Variants in MYH8 observed in about 807,000 individuals in gnomAD.
MYH8 encodes myosin heavy chain 8.
MYH8 carries 168 observed loss-of-function variants against 233.2 expected under a neutral mutation model. The observed-to-expected ratio is 0.72, with a 90% CI of 0.64 to 0.82. MYH8 has a LOEUF of 0.82. MYH8 is among the 40% of genes least tolerant of loss of function. The pLI is 0.00. For synonymous variants in MYH8, 785 were observed against 850.6 expected, an observed-to-expected ratio of 0.92 and a Z score of 1.34; for missense variants, 1,995 against 2,327.8, an observed-to-expected ratio of 0.86 and a Z score of 2.94.
chr17:10,398,735 TG>T, intron 29 of MYH8, 32 bp downstream of exon 29: 2 of 1,613,928 alleles, frequency 1.2e-6, no homozygotes, highest in Non-Finnish European at 1.7e-6. Flanking sequence ...GGTTTAGATT[TG>T]GTTAGTCAAA....
In MYH8 at chr17:10,401,438, G is replaced by T; in HGVS notation, c.2945C>A (p.Thr982Lys). 6.2e-7 allele frequency: 1 copy of T among 1,613,956 alleles called. No homozygotes were observed. The highest frequency in any genetic ancestry group is 1.3e-5 in the African/African-American group (1 of 74,958). The change falls in exon 24 of 40, where the codon ACA (threonine) becomes AAA (lysine). Residue 982 changes from threonine (T) to lysine (K), a missense_variant. Thr to Lys is a moderately conservative substitution (Grantham distance 78). Transcript: ENST00000403437. ...TTCATCCAGGCCTGCCATCTCTTCTGTAAGATTTTTCACCTACAAAGGTTA... is the reference window on the plus strand; with the variant it reads ...TTCATCCAGGCCTGCCATCTCTTCTTTAAGATTTTTCACCTACAAAGGTTA... ...HATENKVKNLTEEMAGLDETI... is the reference protein window; with the variant it reads ...HATENKVKNLKEEMAGLDETI...
chr17:10,395,491 G>T lies in MYH8; in HGVS notation c.4654-50C>A, dbSNP rs758559073. The T allele has an allele frequency of 6.9e-6, 11 of 1,589,556 alleles. No homozygotes were observed. The South Asian group carries it at 1.2e-4, about 18-fold the overall frequency. ...TAATGGAGAAGAACCTGAGTATTTG[G>T]AGTATATTCCCTCGTGAGCCAAACT... On this transcript the variant is annotated intron_variant, in intron 33 of 39. Transcript: ENST00000403437.
intron 29 of MYH8, 29 bp from the exon 30 acceptor site, chr17:10,398,669 A>C: frequency 1.2e-6 from 2 of 1,614,152 alleles, no homozygotes; most frequent in Non-Finnish European, 1.7e-6. Flanking sequence ...AGTGACATAA[A>C]TTCATGTATT....
At position 10,415,968 on chromosome 17, in the gene MYH8, A is replaced by C. The variant is rs560308188; in HGVS notation, c.512-260T>G. On this transcript the variant is annotated intron_variant, in intron 5 of 39. Coordinates refer to ENST00000403437, the MANE Select transcript of MYH8 (RefSeq NM_002472.3). The surrounding 1 kb of genome is among the most constrained non-coding windows in gnomAD (Gnocchi z 4.1). ...AGATACACATAACATAAAATTTACC[A>C]TCTTAACCATTTTTAAGTGTAGAGA... is the stretch of plus-strand genomic sequence containing the variant. 6.6e-6 allele frequency among the ~76,000 whole-genome samples: 1 copy of C among 152,206 alleles called. No individual in the cohort carries two copies. The highest frequency in any genetic ancestry group is 1.5e-5 in the Non-Finnish European group (1 of 68,036).
intron 15 of MYH8, among the ~76,000 whole-genome samples, chr17:10,410,486 A>T (rs1287509491): frequency 6.6e-6 from 1 of 152,180 alleles, no homozygotes; most frequent in Non-Finnish European, 1.5e-5. Context: ...TCAAGAACTA[A>T]TGAGGACAGT....
Position 10,393,161 on chromosome 17 carries a change from T to C in MYH8, c.5216A>G (p.Gln1739Arg). The change falls in exon 36 of 40, where the codon CAA (glutamine) becomes CGA (arginine). Residue 1739 changes from glutamine (Q) to arginine (R), a missense_variant. Coordinates refer to ENST00000403437, the MANE Select transcript of MYH8 (RefSeq NM_002472.3). ...TKKKLENDVS[Q>R]LQSEVEEVIQ... ...TACTTCTTCCACTTCACTTTGGAGT[T>C]GGGAAACGTCATTTTCTAATTTCTT... is the stretch of plus-strand genomic sequence containing the variant. 6.2e-7 allele frequency: 1 copy of C among 1,614,234 alleles called. No homozygotes were observed. Among genetic ancestry groups the C allele is most frequent in the Non-Finnish European group, 8.5e-7 (1 of 1,180,038 alleles).
intron 14 of MYH8, among the ~76,000 whole-genome samples, chr17:10,412,005 C>G (rs2072247960): frequency 6.6e-6 from 1 of 152,116 alleles, no homozygotes; most frequent in Non-Finnish European, 1.5e-5. Flanking sequence ...GGATCAAATG[C>G]TGTAGATCTG....
At chr17:10,413,311 G>A (rs1037310269) in intron 12 of MYH8, among the ~76,000 whole-genome samples, 14 of 152,318 alleles carry the variant, frequency 9.2e-5, no homozygotes, top group African/African-American at 3.4e-4. Flanking sequence ...ATGTCAATTC[G>A]AGGTGGTCAG....
chr17:10,393,153 T>C lies in MYH8; in HGVS notation c.5224A>G (p.Ser1742Gly). The C allele has an allele frequency of 6.2e-7, 1 of 1,614,250 alleles. No individual in the cohort carries two copies. The highest frequency in any genetic ancestry group is 8.5e-7 in the Non-Finnish European group (1 of 1,180,050). ...KLENDVSQLQ[S>G]EVEEVIQESR... is the part of the protein sequence containing the mutation. ...TCTTGGATTACTTCTTCCACTTCACTTTGGAGTTGGGAAACGTCATTTTCT... is the reference window on the plus strand; with the variant it reads ...TCTTGGATTACTTCTTCCACTTCACCTTGGAGTTGGGAAACGTCATTTTCT... The change falls in exon 36 of 40, where the codon AGT becomes GGT. Residue 1742 changes from serine to glycine, a missense_variant. Ser to Gly is a moderately conservative substitution (Grantham distance 56). Transcript: ENST00000403437.
chr17:10,420,635 A>G (rs906117612), intron 2 of MYH8, among the ~76,000 whole-genome samples: 1 of 152,246 alleles, frequency 6.6e-6, no homozygotes, highest in African/African-American at 2.4e-5. Context: ...GGACAATCAT[A>G]TGGTGAGAAA....
chr17:10,415,700 T>C lies in MYH8; in HGVS notation c.520A>G (p.Asn174Asp). The C allele has an allele frequency of 6.2e-7, 1 of 1,613,832 alleles. No homozygotes were observed. Among genetic ancestry groups the C allele is most frequent in the Non-Finnish European group, 8.5e-7 (1 of 1,179,800 alleles). The change falls in exon 6 of 40, where the codon AAT becomes GAT. Residue 174 changes from asparagine (N) to aspartate (D), a missense_variant. Physicochemically the swap from Asn to Asp is conservative, Grantham distance 23. This residue lies in a region of MYH8 where 479 missense variants were observed against 600.9 expected (regional missense o/e 0.80). Transcript: ENST00000403437. The surrounding 1 kb of genome is among the most constrained non-coding windows in gnomAD (Gnocchi z 4.1). ...AYQFMLTDRENQSILITGESG... is the reference protein window; with the variant it reads ...AYQFMLTDREDQSILITGESG... ...ACATACGTGATCAGGATGGACTGATTCTCTCGATCTGTGAAAGAATTCAAA... is the reference window on the plus strand; with the variant it reads ...ACATACGTGATCAGGATGGACTGATCCTCTCGATCTGTGAAAGAATTCAAA...
intron 34 of MYH8, 23 bp from the exon 35 acceptor site, chr17:10,394,475 G>A (rs957350336): frequency 2.5e-6 from 4 of 1,612,648 alleles, no homozygotes; most frequent in Non-Finnish European, 2.5e-6. Flanking sequence ...AAACAGAAAG[G>A]CCTTAAGTGT....
Position 10,415,578 on chromosome 17 carries a change from C to G in MYH8, c.542G>C (p.Gly181Ala). The G allele has an allele frequency of 6.2e-7, 1 of 1,614,148 alleles. No individual in the cohort carries two copies. Among genetic ancestry groups the G allele is most frequent in the East Asian group, 2.2e-5 (1 of 44,888 alleles). ...CACAGTCTTTCCGGCACCAGATTCT[C>G]CGCTGTCAAACAGAAATCAGAGAAG... ...DRENQSILIT[G>A]ESGAGKTVNT... The change falls in exon 7 of 40, where the codon GGA becomes GCA. Residue 181 changes from glycine to alanine, a missense_variant and splice_region_variant. Gly to Ala is a moderately conservative substitution (Grantham distance 60, BLOSUM62 0). Transcript: ENST00000403437. This position sits in a 1 kb window ranked among gnomAD's most constrained non-coding sequence, Gnocchi z 4.1.
intron 37 of MYH8, 72 bp downstream of exon 37, chr17:10,392,759 G>C: frequency 6.2e-7 from 1 of 1,614,044 alleles, no homozygotes; most frequent in Non-Finnish European, 8.5e-7. Flanking sequence ...TGGGAGTCTT[G>C]TGTAGGAAGA....
At chr17:10,413,616 C>T (rs1430286557) in intron 12 of MYH8, among the ~76,000 whole-genome samples, 2 of 152,126 alleles carry the variant, frequency 1.3e-5, no homozygotes, top group African/African-American at 4.8e-5. Context: ...TACCCACCTT[C>T]GTTGCCAAGG....
chr17:10,397,993 G>T (rs974566098), intron 30 of MYH8, among the ~76,000 whole-genome samples: 2 of 152,128 alleles, frequency 1.3e-5, no homozygotes, highest in African/African-American at 4.8e-5. Flanking sequence ...TGCCCAGGGA[G>T]ATCTACTTGA....
rs755968058 is a variant in MYH8, at chr17:10,406,694, G to T, written c.2167C>A (p.Gln723Lys). Residue 723 changes from glutamine (Q) to lysine (K), a missense_variant, in exon 19 of 40, where the codon CAA becomes AAA. Physicochemically the swap from Gln to Lys is moderately conservative, Grantham distance 53 (BLOSUM62 1). This residue lies in a region of MYH8 where 1,498 missense variants were observed against 1,680.9 expected (regional missense o/e 0.89). Transcript: ENST00000403437. Reference protein sequence around the residue: ...PSRILYGDFKQRYKVLNASAI... With the variant: ...PSRILYGDFKKRYKVLNASAI... ...AATACATCAAAGAAGACTGACCTTT[G>T]TTTGAAATCACCATATAAGATTCTG... The T allele has an allele frequency of 6.2e-7, 1 of 1,612,422 alleles. No individual in the cohort carries two copies.
chr17:10,397,697 TAAC>T (rs1358239125), intron 30 of MYH8, among the ~76,000 whole-genome samples: 1 of 152,210 alleles, frequency 6.6e-6, no homozygotes, highest in Non-Finnish European at 1.5e-5. Flanking sequence ...GATTTGAGGT[TAAC>T]TAGATATTTT....
chr17:10,401,764 C>T lies in MYH8; in HGVS notation c.2710G>A (p.Ala904Thr), dbSNP rs776805911. The T allele has an allele frequency of 1.9e-6, 3 of 1,614,190 alleles. No individual in the cohort carries two copies. The highest frequency in any genetic ancestry group is 2.2e-5 in the East Asian group (1 of 44,878). The change falls in exon 23 of 40, where the codon GCA becomes ACA. Residue 904 changes from alanine to threonine, a missense_variant. Ala to Thr is a moderately conservative substitution (Grantham distance 58). This residue lies in a region of MYH8 where 1,498 missense variants were observed against 1,680.9 expected (regional missense o/e 0.89). Transcript: ENST00000403437. ...ATCAGTTGCTCACACCTTTCCTCTG[C>T]ATCAGCCAAGCTATCTGCTTCCTAT... ...VQSEADSLADAEERCEQLIKN... is the reference protein window; with the variant it reads ...VQSEADSLADTEERCEQLIKN...
Sources: gnomAD v4.1 joint callset for allele counts (sites outside exome capture counted in the v4.1 genomes callset) on GRCh38, gnomAD v4.1.1 for gene constraint, gnomAD v4.1.1 regional missense constraint, Gnocchi (gnomAD v3.1) non-coding constraint, MANE v1.5 for transcripts, NCBI Gene and HGNC (gene_info 2026-07-23, HGNC 2026-07-21) for gene names.